Variants in CBFA2T3 observed in about 807,000 individuals in gnomAD.
CBFA2T3 encodes transcriptional corepressor CBFA2T3.
A neutral mutation model predicts 58.6 loss-of-function variants in CBFA2T3; 31 were observed. The observed-to-expected ratio is 0.53, with a 90% CI of 0.40 to 0.71. The LOEUF (loss-of-function observed/expected upper bound fraction) is 0.71. Ranked by LOEUF, CBFA2T3 falls within the 30% of genes least tolerant of loss-of-function variation. The probability of loss-of-function intolerance (pLI) is 0.00; values close to 1 mark genes in which losing one functional copy is unlikely to be tolerated. For missense variants in CBFA2T3, 1,076 were observed against 963.1 expected, an observed-to-expected ratio of 1.12 and a Z score of -1.55; for synonymous variants, 531 against 421.9, an observed-to-expected ratio of 1.26 and a Z score of -3.17.
chr16:88,882,751 C>A lies in CBFA2T3; in HGVS notation c.1128G>T (p.Gly376=). 6.3e-7 allele frequency: 1 copy of A among 1,578,096 alleles called. No individual in the cohort carries two copies. Residue 376 remains glycine (G), a synonymous_variant, in exon 8 of 12, where the codon GGG becomes GGT. Coordinates refer to ENST00000268679, the MANE Select transcript of CBFA2T3 (RefSeq NM_005187.6). ...RERHRPLVVP[G]SRQEEVIDHK... ...GGTCGATCACTTCTTCCTGCCGGGA[C>A]CCAGGCACCACTGTGGATGGGGGAG...
At chr16:88,901,279 C>T (rs1970087631) in intron 2 of CBFA2T3, among the ~76,000 whole-genome samples, 5 of 152,222 alleles carry the variant, frequency 3.3e-5, no homozygotes, top group Admixed American at 3.3e-4. Flanking sequence ...AAGAGGAAGC[C>T]CAGGCCCCCC....
In CBFA2T3 at chr16:88,967,207, G is replaced by A. The variant is rs12325403; in HGVS notation, c.151+9450C>T. On this transcript the variant is annotated intron_variant, in intron 1 of 11. Transcript: ENST00000268679. The stretch of plus-strand genomic sequence containing the variant: ...CCACTCGGCCCCGACACGAGGCAGC[G>A]CCATGCCACCCCCCCAGCCCCCGAG... Among the ~76,000 whole-genome samples, 484 of 91,114 alleles carry A rather than the reference G, an allele frequency of 5.3e-3. 2 individuals are homozygous for A. Among genetic ancestry groups the A allele is most frequent in the Middle Eastern group, 0.021 (4 of 192 alleles). 59.8% of individuals were successfully genotyped at this position (91,114 alleles called of 152,430 possible).
chr16:88,903,662 G>A (rs1381480126), intron 1 of CBFA2T3, among the ~76,000 whole-genome samples: 1 of 124,138 alleles, frequency 8.1e-6, no homozygotes, highest in Non-Finnish European at 1.7e-5. Flanking sequence ...TCCCGGCTGG[G>A]GGGGGGGGCG....
intron 1 of CBFA2T3, among the ~76,000 whole-genome samples, chr16:88,940,554 C>T (rs1421668661): frequency 6.6e-6 from 1 of 152,206 alleles, no homozygotes; most frequent in East Asian, 1.9e-4. Flanking sequence ...CCAGGACCCC[C>T]AGCGCGGACC....
At chr16:88,941,546 C>T (rs949799799) in intron 1 of CBFA2T3, among the ~76,000 whole-genome samples, 3 of 148,198 alleles carry the variant, frequency 2.0e-5, no homozygotes, top group East Asian at 4.0e-4. Flanking sequence ...AAGAACTGGC[C>T]GTGGGGGCCG....
chr16:88,903,536 A>T (rs1322428842), intron 1 of CBFA2T3, among the ~76,000 whole-genome samples: 2 of 151,712 alleles, frequency 1.3e-5, no homozygotes, highest in African/African-American at 4.8e-5. Context: ...GGCTGGGCAC[A>T]CGTGTGGCCA....
At chr16:88,902,791 T>G (rs1048174410) in intron 1 of CBFA2T3, among the ~76,000 whole-genome samples, 4 of 152,160 alleles carry the variant, frequency 2.6e-5, no homozygotes, top group South Asian at 4.1e-4. Flanking sequence ...AGCAGCAAGG[T>G]AGGCATCCTC....
chr16:88,921,911 C>T (rs983901745), intron 1 of CBFA2T3, among the ~76,000 whole-genome samples: 2 of 152,236 alleles, frequency 1.3e-5, no homozygotes, highest in Non-Finnish European at 2.9e-5. Context: ...CGCCTCACCC[C>T]GTCTCACCCA....
intron 1 of CBFA2T3, among the ~76,000 whole-genome samples, chr16:88,909,017 G>C (rs115940708): frequency 0.043 from 6,594 of 152,242 alleles, 205 homozygotes; most frequent in African/African-American, 0.084. Context: ...CCCGGGGAGC[G>C]GGGGGCACCG....
At position 88,892,500 on chromosome 16, in the gene CBFA2T3, C is replaced by A. The variant is rs370512257; in HGVS notation, c.380-15G>T. On this transcript the variant is annotated splice_polypyrimidine_tract_variant and intron_variant, in intron 3 of 11. Transcript: ENST00000268679. ...GCCGTTCATCACTGCAGGAGGGAAG[C>A]GGACATGAGGACACAAAGGTGATGG... is the stretch of plus-strand genomic sequence containing the variant. 1.9e-6 allele frequency: 3 copies of A among 1,610,164 alleles called. No homozygotes were observed. The highest frequency in any genetic ancestry group is 1.7e-6 in the Non-Finnish European group (2 of 1,179,966).
At chr16:88,909,727 TCA>T (rs1200013361) in intron 1 of CBFA2T3, among the ~76,000 whole-genome samples, 1 of 151,946 alleles carries the variant, frequency 6.6e-6, no homozygotes, top group African/African-American at 2.4e-5. Flanking sequence ...TCCCGCCTCC[TCA>T]CAGCCCCGGA....
chr16:88,899,335 G>A (rs927143539), intron 2 of CBFA2T3, among the ~76,000 whole-genome samples: 1 of 152,164 alleles, frequency 6.6e-6, no homozygotes, highest in South Asian at 2.1e-4. Context: ...GTGGATTAGG[G>A]GATAAATCTG....
At position 88,953,197 on chromosome 16, in the gene CBFA2T3, G is replaced by C. The variant is rs1972125007; in HGVS notation, c.151+23460C>G. 6.6e-6 allele frequency among the ~76,000 whole-genome samples: 1 copy of C among 152,360 alleles called. No homozygotes were observed. Among genetic ancestry groups the C allele is most frequent in the East Asian group, 1.9e-4 (1 of 5,194 alleles). ...GCTGGGCCATCGCCTCTCTCCCTCG[G>C]CTGGGTTTGTCATGCTCAGCCAGAC... On this transcript the variant is annotated intron_variant, in intron 1 of 11. Coordinates refer to ENST00000268679, the MANE Select transcript of CBFA2T3 (RefSeq NM_005187.6). The surrounding 1 kb of genome is among the most constrained non-coding windows in gnomAD (Gnocchi z 4.9).
intron 1 of CBFA2T3, among the ~76,000 whole-genome samples, chr16:88,908,443 G>C (rs1970411746): frequency 6.6e-6 from 1 of 152,216 alleles, no homozygotes; most frequent in African/African-American, 2.4e-5. Context: ...GGCACATCCA[G>C]TTCCCAGCAA....
chr16:88,891,846 A>G (rs775816411), intron 5 of CBFA2T3, 36 bp downstream of exon 5: 4 of 1,461,272 alleles, frequency 2.7e-6, no homozygotes, highest in Non-Finnish European at 3.8e-6. Flanking sequence ...CCTTCTAGGG[A>G]GGCTCCCGCA....
intron 11 of CBFA2T3, among the ~76,000 whole-genome samples, chr16:88,878,665 G>A (rs1968933880): frequency 6.6e-6 from 1 of 152,232 alleles, no homozygotes; most frequent in Admixed American, 6.5e-5. Flanking sequence ...CGGGTTTCAG[G>A]CCAGGCACAG....
intron 1 of CBFA2T3, among the ~76,000 whole-genome samples, chr16:88,968,941 C>G (rs1162089493): frequency 6.6e-6 from 1 of 152,206 alleles, no homozygotes; most frequent in Admixed American, 6.5e-5. Context: ...TGCAGCGCTG[C>G]AGGCCTCACA....
chr16:88,911,947 G>A (rs1970545980), intron 1 of CBFA2T3, among the ~76,000 whole-genome samples: 1 of 152,248 alleles, frequency 6.6e-6, no homozygotes. Context: ...GGCCCAGACT[G>A]CCCACCGGCT....
At chr16:88,917,501 C>T (rs1291665193) in intron 1 of CBFA2T3, among the ~76,000 whole-genome samples, 2 of 152,300 alleles carry the variant, frequency 1.3e-5, no homozygotes, top group East Asian at 1.9e-4. Flanking sequence ...AAACCTGAGG[C>T]CTCTGTTAGG....
Sources: allele counts gnomAD v4.1 joint callset (sites outside exome capture counted in the v4.1 genomes callset), GRCh38; gene constraint gnomAD v4.1.1; non-coding constraint Gnocchi (gnomAD v3.1); transcripts MANE v1.5; gene names NCBI Gene and HGNC (gene_info 2026-07-23, HGNC 2026-07-21).